The following RAB6A variants were observed in gnomAD, a reference collection of about 807,000 sequenced individuals.
RAB6A encodes RAB6A, member RAS oncogene family.
RAB6A carries 8 observed loss-of-function variants against 32.3 expected under a neutral mutation model. The ratio of observed to expected loss-of-function variants is 0.25; its 90% CI spans 0.15 to 0.45. RAB6A has a LOEUF of 0.45. Among genes scored for constraint, RAB6A ranks in the 20% least tolerant of loss-of-function variants. The probability of loss-of-function intolerance (pLI) is 1.00; values close to 1 mark genes in which losing one functional copy is unlikely to be tolerated. For missense variants in RAB6A, 104 were observed against 249.4 expected (o/e 0.42, Z 3.93); for synonymous variants, 73 against 82.1 (o/e 0.89, Z 0.60).
At chr11:73,678,468 T>C (rs1281347048) in intron 7 of RAB6A, among the ~76,000 whole-genome samples, 3 of 151,650 alleles carry the variant, frequency 2.0e-5, no homozygotes, top group African/African-American at 7.3e-5. Flanking sequence ...AATATAAAAA[T>C]TAGCTGGGCA....
At chr11:73,720,325 C>T (rs907697314) in intron 3 of RAB6A, among the ~76,000 whole-genome samples, 37 of 151,630 alleles carry the variant, frequency 2.4e-4, no homozygotes, top group Middle Eastern at 6.8e-3. Flanking sequence ...GGATTATAGG[C>T]GCCCGCCACC....
At chr11:73,683,009 C>T (rs1324482627) in intron 6 of RAB6A, among the ~76,000 whole-genome samples, 3 of 151,996 alleles carry the variant, frequency 2.0e-5, no homozygotes, top group Non-Finnish European at 2.9e-5. Context: ...ATAAAGAATA[C>T]AGGGTATGAA....
intron 5 of RAB6A, among the ~76,000 whole-genome samples, chr11:73,710,098 A>T (rs1002122232): frequency 6.8e-6 from 1 of 147,218 alleles, no homozygotes; most frequent in African/African-American, 2.5e-5. Flanking sequence ...AGCTGGGATT[A>T]CAGGCTCCCG....
chr11:73,714,209 A>AAAAAAAAAAATATAT (rs35864471), intron 5 of RAB6A, among the ~76,000 whole-genome samples: 1 of 57,578 alleles, frequency 1.7e-5, no homozygotes, highest in Non-Finnish European at 3.4e-5. Context: ...AAAAAAAAAA[A>AAAAAAAAAAATATAT]ATATATATAT....
rs1945290172 is a variant in RAB6A, at chr11:73,677,716, C to T, written c.*182G>A. On this transcript the variant is annotated 3_prime_UTR_variant, in exon 8 of 8. Transcript: ENST00000336083. ...TTGTAAAATATAAATAATGAAGACA[C>T]TGACTTTTGTTGTGCTTGTGAAGCT... 7.1e-7 allele frequency: 1 copy of T among 1,401,852 alleles called. No individual in the cohort carries two copies. The highest frequency in any genetic ancestry group is 2.5e-5 in the Admixed American group (1 of 39,940). 86.8% of individuals were successfully genotyped at this position (1,401,852 alleles called of 1,614,324 possible).
At chr11:73,687,238 G>C (rs1266331179) in intron 6 of RAB6A, among the ~76,000 whole-genome samples, 1 of 152,064 alleles carries the variant, frequency 6.6e-6, no homozygotes, top group African/African-American at 2.4e-5. Flanking sequence ...GGGAAATAAG[G>C]AGTTATTATT....
chr11:73,751,849 A>G (rs1946673533), intron 1 of RAB6A, among the ~76,000 whole-genome samples: 1 of 152,166 alleles, frequency 6.6e-6, no homozygotes. Flanking sequence ...ACCAGCAAAA[A>G]GACTTAAAGA....
intron 6 of RAB6A, among the ~76,000 whole-genome samples, chr11:73,698,211 ACT>A (rs1053261461): frequency 1.3e-5 from 2 of 152,094 alleles, no homozygotes; most frequent in Non-Finnish European, 2.9e-5. Context: ...ACAGAGTGAG[ACT>A]CTCAAAAAAA....
rs953991444 is a variant in RAB6A, at chr11:73,692,897, C to G, written c.496-13177G>C. Reference sequence around the variant, plus strand: ...AATGGCGTGAACCCAGGAGGTGGAGCTTGCAGTGAGCCGAGATCGCGCCAC... The same window carrying G: ...AATGGCGTGAACCCAGGAGGTGGAGGTTGCAGTGAGCCGAGATCGCGCCAC... On this transcript the variant is annotated intron_variant, in intron 6 of 7. Coordinates refer to ENST00000336083, the MANE Select transcript of RAB6A (RefSeq NM_198896.2). Among the ~76,000 whole-genome samples the G allele has an allele frequency of 2.0e-5, 3 of 151,358 alleles. No individual in the cohort carries two copies. The South Asian group carries it at 6.3e-4, about 32-fold the overall frequency.
At chr11:73,734,200 A>G (rs1565371499) in intron 1 of RAB6A, among the ~76,000 whole-genome samples, 1 of 152,154 alleles carries the variant, frequency 6.6e-6, no homozygotes, top group African/African-American at 2.4e-5. Context: ...ATATCAGCTC[A>G]CTGCAACCTT....
chr11:73,708,323 C>A (rs569882986), intron 5 of RAB6A, among the ~76,000 whole-genome samples: 2 of 152,210 alleles, frequency 1.3e-5, no homozygotes, highest in African/African-American at 4.8e-5. Context: ...CGCCCACCAC[C>A]ACACCTGAAT....
intron 2 of RAB6A, among the ~76,000 whole-genome samples, chr11:73,723,290 A>AGGG (rs1555062322): frequency 7.6e-5 from 11 of 144,480 alleles, no homozygotes; most frequent in African/African-American, 2.9e-4. Context: ...CTGGGGGGGA[A>AGGG]AAAAAGAAAG....
intron 1 of RAB6A, among the ~76,000 whole-genome samples, chr11:73,753,732 A>G (rs992449286): frequency 2.0e-5 from 3 of 151,340 alleles, no homozygotes; most frequent in African/African-American, 7.3e-5. Context: ...AAAAAACAAA[A>G]AAACTCCAGA....
At chr11:73,754,246 T>C (rs1393806966) in intron 1 of RAB6A, among the ~76,000 whole-genome samples, 1 of 152,182 alleles carries the variant, frequency 6.6e-6, no homozygotes, top group Non-Finnish European at 1.5e-5. Context: ...GAACAAGATA[T>C]GAAAAACTGG....
rs1946430101 is a variant in RAB6A, at chr11:73,738,039, A to C, written c.71-7216T>G. 2.0e-5 allele frequency among the ~76,000 whole-genome samples: 3 copies of C among 152,094 alleles called. No individual in the cohort carries two copies. The South Asian group carries it at 6.2e-4, about 32-fold the overall frequency. On this transcript the variant is annotated intron_variant, in intron 1 of 7. Transcript: ENST00000336083. ...ACCACATGTTATTAATATATACTAAAAACCACTAAACTGTATACTTGATAC... is the reference window on the plus strand; with the variant it reads ...ACCACATGTTATTAATATATACTAACAACCACTAAACTGTATACTTGATAC...
At chr11:73,729,471 T>C (rs1946272799) in intron 2 of RAB6A, 1 of 152,238 alleles carries the variant, frequency 6.6e-6, no homozygotes, top group Non-Finnish European at 1.5e-5. Flanking sequence ...GTCTTCTTTT[T>C]TTTCTTGGTC....
At chr11:73,687,626 T>TTA (rs1327882283) in intron 6 of RAB6A, among the ~76,000 whole-genome samples, 1 of 152,146 alleles carries the variant, frequency 6.6e-6, no homozygotes, top group Non-Finnish European at 1.5e-5. Flanking sequence ...GAGGCCGAGG[T>TTA]GGGCGGATCA....
At chr11:73,701,177 G>T (rs917182047) in intron 6 of RAB6A, among the ~76,000 whole-genome samples, 1 of 152,162 alleles carries the variant, frequency 6.6e-6, no homozygotes, top group Non-Finnish European at 1.5e-5. Context: ...GAACTACATG[G>T]TACCTATAGT....
chr11:73,715,554 A>G (rs1311662478), intron 5 of RAB6A, among the ~76,000 whole-genome samples: 3 of 152,226 alleles, frequency 2.0e-5, no homozygotes, highest in Admixed American at 2.0e-4. Context: ...TTCAATATCC[A>G]TCTCATGAAT....
Sources: allele counts gnomAD v4.1 joint callset (sites outside exome capture counted in the v4.1 genomes callset), GRCh38; gene constraint gnomAD v4.1.1; transcripts MANE v1.5; gene names NCBI Gene and HGNC (gene_info 2026-07-23, HGNC 2026-07-21).